NBAS: variants seen among roughly 807,000 people sequenced by gnomAD.
NBAS encodes NBAS subunit of NRZ tethering complex.
NBAS carries 219 observed loss-of-function variants against 302.5 expected under a neutral mutation model. The ratio of observed to expected loss-of-function variants is 0.72; its 90% CI spans 0.65 to 0.81. NBAS has a LOEUF of 0.81. NBAS is among the 30% of genes least tolerant of loss of function. NBAS has a pLI of 0.00. For missense variants in NBAS, 2,932 were observed against 2,841.6 expected, an observed-to-expected ratio of 1.03 and a Z score of -0.72; for synonymous variants, 1,118 against 1,021.6, an observed-to-expected ratio of 1.09 and a Z score of -1.80.
intron 51 of NBAS, among the ~76,000 whole-genome samples, chr2:15,173,148 T>C (rs1282369919): frequency 6.6e-6 from 1 of 152,230 alleles, no homozygotes; most frequent in Admixed American, 6.5e-5. Flanking sequence ...GATTGTTTTT[T>C]GTGTGTCAGC....
At chr2:15,323,825 A>C (rs1394876966) in intron 38 of NBAS, among the ~76,000 whole-genome samples, 1 of 151,718 alleles carries the variant, frequency 6.6e-6, no homozygotes, top group Non-Finnish European at 1.5e-5. Context: ...ACACAGCAAG[A>C]CCCTGTCTCA....
At chr2:15,429,217 T>C (rs1677637654) in intron 21 of NBAS, among the ~76,000 whole-genome samples, 3 of 152,112 alleles carry the variant, frequency 2.0e-5, no homozygotes, top group African/African-American at 4.8e-5. Context: ...ACATTCTCTC[T>C]TAAGTCCCTT....
chr2:15,522,779 T>G (rs1205880235), intron 9 of NBAS, among the ~76,000 whole-genome samples: 1 of 152,224 alleles, frequency 6.6e-6, no homozygotes, highest in African/African-American at 2.4e-5. Context: ...CGTATAACTT[T>G]TGACTGCCCC....
At chr2:14,888,427 G>A in the NBAS span, among the ~76,000 whole-genome samples, 19,276 of 151,332 alleles carry the variant, frequency 0.13, 2,374 homozygotes, top group African/African-American at 0.32. Context: ...CACCATGCCT[G>A]GCCCTGAGCC....
chr2:14,818,826 G>A, the NBAS span, among the ~76,000 whole-genome samples: 538 of 152,296 alleles, frequency 3.5e-3, 9 homozygotes, highest in Admixed American at 0.03. Flanking sequence ...TCTGCTCTCC[G>A]GGTACTGAAG....
chr2:15,050,875 G>C, the NBAS span, among the ~76,000 whole-genome samples: 1 of 152,100 alleles, frequency 6.6e-6, no homozygotes, highest in Non-Finnish European at 1.5e-5. Flanking sequence ...GATGAAATGA[G>C]ACCAGGTTGA....
At chr2:15,377,348 T>C (rs1347162171) in intron 30 of NBAS, among the ~76,000 whole-genome samples, 2 of 152,178 alleles carry the variant, frequency 1.3e-5, no homozygotes, top group East Asian at 1.9e-4. Flanking sequence ...TTTAGTGCCT[T>C]AGGGAATGGA....
chr2:15,402,369 AC>A, intron 25 of NBAS, 68 bp from the exon 26 acceptor site: 1 of 1,399,454 alleles, frequency 7.1e-7, no homozygotes, highest in Admixed American at 1.7e-5. Context: ...ATATCCCAAT[AC>A]TACTGTCAAC....
chr2:15,518,074 A>G (rs761458850), intron 9 of NBAS, among the ~76,000 whole-genome samples: 4 of 151,902 alleles, frequency 2.6e-5, no homozygotes, highest in Non-Finnish European at 5.9e-5. Flanking sequence ...AAGAACATCA[A>G]GATACAATGT....
chr2:14,988,859 G>A, the NBAS span, among the ~76,000 whole-genome samples: 10 of 152,138 alleles, frequency 6.6e-5, no homozygotes, highest in South Asian at 4.2e-4. Context: ...TGTAAGACTA[G>A]GAAAAATGTT....
At chr2:14,970,491 T>C in the NBAS span, among the ~76,000 whole-genome samples, 2 of 152,142 alleles carry the variant, frequency 1.3e-5, no homozygotes, top group Admixed American at 6.5e-5. Flanking sequence ...AATAAGGGTC[T>C]CCCTGAAGGA....
chr2:15,034,089 AGAG>A, the NBAS span, among the ~76,000 whole-genome samples: 1 of 86,162 alleles, frequency 1.2e-5, no homozygotes, highest in Non-Finnish European at 2.4e-5. Context: ...AAGAAGAAGA[AGAG>A]GAGGAGGAGA....
At chr2:14,911,637 T>G in the NBAS span, among the ~76,000 whole-genome samples, 2 of 152,178 alleles carry the variant, frequency 1.3e-5, no homozygotes, top group Non-Finnish European at 2.9e-5. Context: ...GTCACCCACT[T>G]GTTGTCAAGA....
chr2:15,136,889 C>T, the NBAS span, among the ~76,000 whole-genome samples: 3 of 152,194 alleles, frequency 2.0e-5, no homozygotes, highest in Admixed American at 2.0e-4. Context: ...GTAAGACGTG[C>T]CTTGCTTCCC....
intron 11 of NBAS, among the ~76,000 whole-genome samples, chr2:15,502,964 C>T (rs1661651029): frequency 1.3e-5 from 2 of 152,188 alleles, no homozygotes; most frequent in South Asian, 4.1e-4. Context: ...AAATTTCTTT[C>T]TTTACATTCT....
At chr2:14,854,931 C>A in the NBAS span, among the ~76,000 whole-genome samples, 1 of 152,172 alleles carries the variant, frequency 6.6e-6, no homozygotes, top group African/African-American at 2.4e-5. Context: ...TACTGAGACA[C>A]CAGCTGGGGC....
chr2:15,033,026 A>G, the NBAS span, among the ~76,000 whole-genome samples: 2 of 152,212 alleles, frequency 1.3e-5, no homozygotes, highest in African/African-American at 4.8e-5. Context: ...GAACTTGACT[A>G]CTATCCAGCA....
chr2:15,285,852 T>C (rs970971627), intron 42 of NBAS, among the ~76,000 whole-genome samples: 30 of 152,068 alleles, frequency 2.0e-4, no homozygotes, highest in Non-Finnish European at 4.4e-4. Context: ...ACAGGGTTTC[T>C]CCATGTTGGC....
chr2:15,136,841 C>T, the NBAS span, among the ~76,000 whole-genome samples: 10 of 152,124 alleles, frequency 6.6e-5, no homozygotes, highest in African/African-American at 1.9e-4. Flanking sequence ...TAAAAGTGTG[C>T]GGCAGTTCCT....
Sources: gnomAD v4.1 joint callset for allele counts (sites outside exome capture counted in the v4.1 genomes callset) on GRCh38, gnomAD v4.1.1 for gene constraint, MANE v1.5 for transcripts, NCBI Gene and HGNC (gene_info 2026-07-23, HGNC 2026-07-21) for gene names.